Variants in MOB1A observed in about 807,000 individuals in gnomAD.
MOB1A encodes the protein MOB kinase activator 1A, also known as MOB1 Mps One Binder homolog A.
MOB1A carries 10 observed loss-of-function variants against 25.1 expected under a neutral mutation model. The ratio of observed to expected loss-of-function variants is 0.40; its 90% CI spans 0.25 to 0.68. The LOEUF (loss-of-function observed/expected upper bound fraction) is 0.68, where lower values mean the gene tolerates loss of function less well. Ranked by LOEUF, MOB1A falls within the 30% of genes least tolerant of loss-of-function variation. The pLI is 0.40. For missense variants in MOB1A, 177 were observed against 256.3 expected (o/e 0.69, Z 2.11); for synonymous variants, 81 against 79.5 (o/e 1.02, Z -0.10).
At position 74,156,550 on chromosome 2, in the gene MOB1A, G is replaced by A. The variant is rs201313629; in HGVS notation, c.*18C>T. On this transcript the variant is annotated 3_prime_UTR_variant, in exon 6 of 6. Coordinates refer to ENST00000396049, the MANE Select transcript of MOB1A (RefSeq NM_018221.5). ...CAATAGATGAAGCAAGGGGGTAACT[G>A]TGTTCTAGAAGAAACATTTATCTGT... is the stretch of plus-strand genomic sequence containing the variant. 2.5e-4 allele frequency: 378 copies of A among 1,523,454 alleles called. No individual in the cohort carries two copies. Among genetic ancestry groups the A allele is most frequent in the Non-Finnish European group, 3.2e-4 (357 of 1,121,362 alleles). The allele number at this position is 1,523,454 out of a possible 1,614,324, so 94.4% of individuals were successfully genotyped here. A position where few individuals can be genotyped will look rare whatever the true frequency, so the allele number is the denominator to read the frequency against.
rs1693558765 is a variant in MOB1A at position 74,178,851 on chromosome 2, C to T, written c.-177G>A. 7.6e-6 allele frequency: 3 copies of T among 395,976 alleles called. No homozygotes were observed. Among genetic ancestry groups the T allele is most frequent in the Non-Finnish European group, 1.3e-5 (3 of 226,868 alleles). The allele number at this position is 395,976 out of a possible 1,614,324, so 24.5% of individuals were successfully genotyped here. On this transcript the variant is annotated 5_prime_UTR_variant, in exon 1 of 6. Transcript: ENST00000396049. ...TTGCAAACCTCGGCGCCCGCCTTGC[C>T]CGCCTACCCCACCTCGCAGACCCGA...
intron 3 of MOB1A, 60 bp downstream of exon 3, chr2:74,166,954 T>G: frequency 8.3e-7 from 1 of 1,198,522 alleles, no homozygotes; most frequent in Admixed American, 2.0e-5. Context: ...GTTTAATTTC[T>G]ATCAATTGGT....
chr2:74,156,698 G>A (rs1053386146), intron 5 of MOB1A, 53 bp from the exon 6 acceptor site: 11 of 1,317,062 alleles, frequency 8.4e-6, no homozygotes, highest in Non-Finnish European at 1.1e-5. Flanking sequence ...CTGAAACTCT[G>A]TAAATGTCTT....
chr2:74,155,368 T>C lies in MOB1A; in HGVS notation c.*1200A>G, dbSNP rs1330347026. Reference sequence around the variant, plus strand: ...CCCAAGTGGAAGCTCAGTCCATCTTTTGAATATTAACAAAATGAGGATTTT... The same window carrying C: ...CCCAAGTGGAAGCTCAGTCCATCTTCTGAATATTAACAAAATGAGGATTTT... On this transcript the variant is annotated 3_prime_UTR_variant, in exon 6 of 6. Coordinates refer to ENST00000396049, the MANE Select transcript of MOB1A (RefSeq NM_018221.5). 1 of 152,668 alleles carries C rather than the reference T, an allele frequency of 6.6e-6. No individual in the cohort carries two copies. Among genetic ancestry groups the C allele is most frequent in the East Asian group, 1.9e-4 (1 of 5,206 alleles). 9.5% of individuals were successfully genotyped at this position (152,668 alleles called of 1,614,324 possible).
chr2:74,165,954 T>C, intron 3 of MOB1A, among the ~76,000 whole-genome samples: 1 of 152,184 alleles, frequency 6.6e-6, no homozygotes, highest in East Asian at 1.9e-4. Context: ...AATAAAAACA[T>C]TCTTCCTAAA....
intron 3 of MOB1A, among the ~76,000 whole-genome samples, chr2:74,165,598 CAACACAGCCCTGGGA>C (rs970449193): frequency 8.1e-4 from 123 of 152,276 alleles, no homozygotes; most frequent in African/African-American, 2.8e-3. Context: ...GTTTTATTAA[CAACACAGCCCTGGGA>C]AACACAAAGG....
intron 4 of MOB1A, among the ~76,000 whole-genome samples, chr2:74,161,966 A>G (rs187930666): frequency 6.6e-6 from 1 of 152,304 alleles, no homozygotes; most frequent in East Asian, 1.9e-4. Context: ...CAAAAAAAAA[A>G]GTAGATTTCA....
intron 4 of MOB1A, among the ~76,000 whole-genome samples, chr2:74,160,050 C>G (rs1204171406): frequency 6.6e-6 from 1 of 152,152 alleles, no homozygotes; most frequent in African/African-American, 2.4e-5. Flanking sequence ...TTCCTGGCCT[C>G]AAGTGATCTG....
chr2:74,172,774 T>C (rs767269701), intron 1 of MOB1A, 22 bp from the exon 2 acceptor site: 1 of 1,603,142 alleles, frequency 6.2e-7, no homozygotes, highest in Non-Finnish European at 8.5e-7. Context: ...AAAGTGCAAG[T>C]ATATGAATTT....
At chr2:74,158,929 A>T in intron 5 of MOB1A, 162 bp downstream of exon 5, 2 of 748,148 alleles carry the variant, frequency 2.7e-6, no homozygotes, top group Non-Finnish European at 4.3e-6. Context: ...TGCTGCACAC[A>T]TCAATAAAAT....
chr2:74,158,778 C>CCA (rs1692875698), intron 5 of MOB1A, among the ~76,000 whole-genome samples: 1 of 82,026 alleles, frequency 1.2e-5, no homozygotes, highest in African/African-American at 4.0e-5. Flanking sequence ...GACCCTGTCT[C>CCA]AAAAAAAAAA....
chr2:74,172,163 G>A (rs1035321882), intron 2 of MOB1A, among the ~76,000 whole-genome samples: 4 of 152,110 alleles, frequency 2.6e-5, no homozygotes, highest in East Asian at 1.9e-4. Flanking sequence ...GCCACTCTAA[G>A]TCACAACAAT....
At chr2:74,176,200 C>T (rs180814385) in intron 1 of MOB1A, among the ~76,000 whole-genome samples, 15 of 132,934 alleles carry the variant, frequency 1.1e-4, no homozygotes, top group Admixed American at 5.9e-4. Context: ...TGCTTGAACC[C>T]GGGATGCAGA....
chr2:74,158,047 G>A (rs546869445), intron 5 of MOB1A, among the ~76,000 whole-genome samples: 2 of 152,004 alleles, frequency 1.3e-5, no homozygotes, highest in African/African-American at 4.8e-5. Context: ...GGGCGTGGTG[G>A]CAGGTGCCTA....
In MOB1A at chr2:74,156,451, TGGG is replaced by T. The variant is rs1365308842; in HGVS notation, c.*114_*116del. 3.7e-6 allele frequency: 3 copies of T among 807,514 alleles called. No homozygotes were observed. Among genetic ancestry groups the T allele is most frequent in the Non-Finnish European group, 6.2e-6 (3 of 487,032 alleles). The allele number at this position is 807,514 out of a possible 1,614,324, so 50.0% of individuals were successfully genotyped here. On this transcript the variant is annotated 3_prime_UTR_variant, in exon 6 of 6. Coordinates refer to ENST00000396049, the MANE Select transcript of MOB1A (RefSeq NM_018221.5). ...TAATTTTATCAGTAGACACAGGCAA[TGGG>T]TATCTTTTTATCCTGTTTTCTTAAA...
At chr2:74,178,156 G>C (rs992804642) in intron 1 of MOB1A, 3 of 152,406 alleles carry the variant, frequency 2.0e-5, no homozygotes, top group Non-Finnish European at 4.4e-5. Context: ...CCAGTAAGTG[G>C]GCAGAATCAG....
chr2:74,165,449 G>A lies in MOB1A; in HGVS notation c.276-98C>T, dbSNP rs546815662. The A allele has an allele frequency of 1.2e-4, 79 of 657,150 alleles. No individual in the cohort carries two copies. In the South Asian group the frequency reaches 1.9e-3, roughly 15 times the overall value. The allele number at this position is 657,150 out of a possible 1,614,324, so 40.7% of individuals were successfully genotyped here. A position where few individuals can be genotyped will look rare whatever the true frequency, so the allele number is the denominator to read the frequency against. On this transcript the variant is annotated intron_variant, in intron 3 of 5. Transcript: ENST00000396049. ...GTTCATTCACATTTTGTCAATAGAAGTTACATCTAACTTTAATAAATCACC... is the reference window on the plus strand; with the variant it reads ...GTTCATTCACATTTTGTCAATAGAAATTACATCTAACTTTAATAAATCACC...
chr2:74,166,948 A>T, intron 3 of MOB1A, 66 bp downstream of exon 3: 1 of 1,160,568 alleles, frequency 8.6e-7, no homozygotes, highest in Non-Finnish European at 1.3e-6. Flanking sequence ...TTAACTGTTT[A>T]ATTTCTATCA....
At chr2:74,171,499 T>C (rs892172806) in intron 2 of MOB1A, among the ~76,000 whole-genome samples, 3 of 152,142 alleles carry the variant, frequency 2.0e-5, no homozygotes, top group Non-Finnish European at 4.4e-5. Flanking sequence ...GGGTGACATA[T>C]AGAAGAAGAA....
Sources: gnomAD v4.1 joint callset for allele counts (sites outside exome capture counted in the v4.1 genomes callset) on GRCh38, gnomAD v4.1.1 for gene constraint, MANE v1.5 for transcripts, NCBI Gene and HGNC (gene_info 2026-07-23, HGNC 2026-07-21) for gene names.